FAM78A: variants seen among roughly 807,000 people sequenced by gnomAD.
FAM78A encodes the protein family with sequence similarity 78 member A, also known as protein FAM78A.
A neutral mutation model predicts 22.6 loss-of-function variants in FAM78A; 12 were observed. The observed-to-expected ratio is 0.53, with a 90% CI of 0.34 to 0.86. FAM78A has a LOEUF of 0.86. Ranked by LOEUF, FAM78A falls within the 40% of genes least tolerant of loss-of-function variation. FAM78A has a pLI of 0.02. For missense variants in FAM78A, 322 were observed against 396.1 expected (o/e 0.81, Z 1.59); for synonymous variants, 151 against 155.8 (o/e 0.97, Z 0.23).
At chr9:131,273,314 G>A (rs946729798) in intron 1 of FAM78A, among the ~76,000 whole-genome samples, 6 of 152,200 alleles carry the variant, frequency 3.9e-5, no homozygotes, top group East Asian at 3.9e-4. Context: ...CCTTCTGCCC[G>A]ACTGCTCCAA....
chr9:131,279,940 T>C (rs1835525981), upstream of FAM78A, among the ~76,000 whole-genome samples: 2 of 152,186 alleles, frequency 1.3e-5, no homozygotes. Context: ...CCCCACTTGC[T>C]AGCCAGGGCC....
chr9:131,265,082 G>A lies in FAM78A; in HGVS notation c.324-3732C>T, dbSNP rs10114313. Among the ~76,000 whole-genome samples the A allele has an allele frequency of 0.1, 15,163 of 151,986 alleles. 2,216 individuals are homozygous for A. The highest frequency in any genetic ancestry group is 0.32 in the African/African-American group (13,342 of 41,414). ...TATTAAATTTCTATTGAGTTTTTTA[G>A]TGCTTTTTGTCCACCATTCTTTTGA... On this transcript the variant is annotated intron_variant, in intron 1 of 1. Transcript: ENST00000372271. The surrounding 1 kb of genome is among the most constrained non-coding windows in gnomAD (Gnocchi z 4.3).
chr9:131,264,371 G>A, intron 1 of FAM78A: 1 of 554,562 alleles, frequency 1.8e-6, no homozygotes, highest in South Asian at 2.3e-5. Flanking sequence ...CATGGCTCAG[G>A]GCCAGGGCCA....
chr9:131,268,887 C>T lies in FAM78A; in HGVS notation c.323+6970G>A, dbSNP rs1251461332. Among the ~76,000 whole-genome samples the T allele has an allele frequency of 4.0e-4, 49 of 121,498 alleles. 1 individual carries two copies. The highest frequency in any genetic ancestry group is 5.4e-5 in the Non-Finnish European group (3 of 55,344). The allele number at this position is 121,498 out of a possible 152,430, so 79.7% of individuals were successfully genotyped here. A position where few individuals can be genotyped will look rare whatever the true frequency, so the allele number is the denominator to read the frequency against. On this transcript the variant is annotated intron_variant, in intron 1 of 1. Coordinates refer to ENST00000372271, the MANE Select transcript of FAM78A (RefSeq NM_033387.4). ...CAGCCTGGGCGACAGAGCGAGACTCCGTCTCAAAAAAAAAAAAAGAAGTGC... is the reference window on the plus strand; with the variant it reads ...CAGCCTGGGCGACAGAGCGAGACTCTGTCTCAAAAAAAAAAAAAGAAGTGC...
At chr9:131,266,298 C>T (rs779169137) in intron 1 of FAM78A, among the ~76,000 whole-genome samples, 28 of 152,174 alleles carry the variant, frequency 1.8e-4, no homozygotes, top group Non-Finnish European at 3.7e-4. Flanking sequence ...CCCTTAAAAC[C>T]GACGCAATTG....
At chr9:131,267,347 A>C (rs1835357936) in intron 1 of FAM78A, among the ~76,000 whole-genome samples, 1 of 152,180 alleles carries the variant, frequency 6.6e-6, no homozygotes, top group Non-Finnish European at 1.5e-5. Flanking sequence ...AGGGCATCAA[A>C]GCAAGAGACC....
intron 1 of FAM78A, among the ~76,000 whole-genome samples, chr9:131,263,153 C>A (rs1008946148): frequency 1.3e-5 from 2 of 150,602 alleles, no homozygotes; most frequent in African/African-American, 2.4e-5. Context: ...GCAGGAGAAT[C>A]GCTTGAACCC....
upstream of FAM78A, among the ~76,000 whole-genome samples, chr9:131,277,135 G>T (rs891601012): frequency 5.0e-4 from 75 of 150,902 alleles, no homozygotes; most frequent in Non-Finnish European, 8.9e-4. This position sits in a 1 kb window ranked among gnomAD's most constrained non-coding sequence, Gnocchi z 8.4. Context: ...AGTGGCGGCC[G>T]CACGACCGCG....
In FAM78A at chr9:131,261,433, T is replaced by C. The variant is rs1835268095; in HGVS notation, c.324-83A>G. 6.1e-5 allele frequency: 84 copies of C among 1,377,666 alleles called. No homozygotes were observed. The South Asian group carries it at 1.2e-3, about 20-fold the overall frequency. 85.3% of individuals were successfully genotyped at this position (1,377,666 alleles called of 1,614,324 possible). On this transcript the variant is annotated intron_variant, in intron 1 of 1. Coordinates refer to ENST00000372271, the MANE Select transcript of FAM78A (RefSeq NM_033387.4). The surrounding 1 kb of genome is among the most constrained non-coding windows in gnomAD (Gnocchi z 7.1). Reference sequence around the variant, plus strand: ...CCCCCTGGCAGGCCAGGGGCTGTCCTGGGCCCTGAGGATGGAACGGACCCA... The same window carrying C: ...CCCCCTGGCAGGCCAGGGGCTGTCCCGGGCCCTGAGGATGGAACGGACCCA...
chr9:131,262,013 G>T (rs1037075806), intron 1 of FAM78A, among the ~76,000 whole-genome samples: 13 of 151,952 alleles, frequency 8.6e-5, no homozygotes, highest in Non-Finnish European at 1.5e-5. Flanking sequence ...GATCACTTGA[G>T]GTTAGGAGTT....
rs1835260629 is a variant in FAM78A at position 131,261,105 on chromosome 9, G to A, written c.569C>T (p.Thr190Ile). 1 of 1,614,046 alleles carries A rather than the reference G, an allele frequency of 6.2e-7. No homozygotes were observed. Among genetic ancestry groups the A allele is most frequent in the Non-Finnish European group, 8.5e-7 (1 of 1,180,010 alleles). Residue 190 changes from threonine (T) to isoleucine (I), a missense_variant, in exon 2 of 2, where the codon ACC becomes ATC. Transcript: ENST00000372271. The surrounding 1 kb of genome is among the most constrained non-coding windows in gnomAD (Gnocchi z 7.1). ...GGTGTTGGTGGCCACCAGCCAGGTG[G>A]TGAAGCTCTGGTCCCGGTAGATATT... The part of the protein sequence containing the change: ...LTNIYRDQSF[T>I]TWLVATNTST...
intron 1 of FAM78A, among the ~76,000 whole-genome samples, chr9:131,270,999 G>GCCTTTTTTTT (rs1311041330): frequency 1.5e-5 from 2 of 131,964 alleles, no homozygotes; most frequent in Non-Finnish European, 1.6e-5. Context: ...TTTCCCACCA[G>GCCTTTTTTTT]TCTTTTTTTT....
intron 1 of FAM78A, chr9:131,270,137 C>A (rs1445722560): frequency 3.3e-6 from 2 of 609,676 alleles, no homozygotes; most frequent in African/African-American, 3.7e-5. Flanking sequence ...ACCCGGGAGG[C>A]GGATGTTGCA....
intron 1 of FAM78A, chr9:131,264,798 AC>A (rs1835323616): frequency 3.6e-6 from 2 of 551,676 alleles, no homozygotes; most frequent in South Asian, 4.7e-5. Context: ...ATCTCTGCTC[AC>A]TGCAGCCTCG....
chr9:131,268,667 G>A (rs184770926), intron 1 of FAM78A, among the ~76,000 whole-genome samples: 11 of 152,212 alleles, frequency 7.2e-5, no homozygotes, highest in Non-Finnish European at 1.3e-4. Context: ...TCGGGAGGCC[G>A]AGGCGGGCGG....
At chr9:131,278,145 C>T (rs1588202248), upstream of FAM78A, among the ~76,000 whole-genome samples, 1 of 151,868 alleles carries the variant, frequency 6.6e-6, no homozygotes, top group African/African-American at 2.4e-5. Context: ...CTGGTAATCC[C>T]TCGCTCCCCC....
At position 131,274,152 on chromosome 9, in the gene FAM78A, G is replaced by A. The variant is rs554739607; in HGVS notation, c.323+1705C>T. On this transcript the variant is annotated intron_variant, in intron 1 of 1. Coordinates refer to ENST00000372271, the MANE Select transcript of FAM78A (RefSeq NM_033387.4). This position sits in a 1 kb window ranked among gnomAD's most constrained non-coding sequence, Gnocchi z 4.2. ...TGCACAGATGGGGAAGCTGAGGCTT[G>A]GAGTCTGTACCTTGGGTCAGGCCTG... Among the ~76,000 whole-genome samples, 5 of 152,388 alleles carry A rather than the reference G, an allele frequency of 3.3e-5. No homozygotes were observed. Among genetic ancestry groups the A allele is most frequent in the African/African-American group, 1.2e-4 (5 of 41,590 alleles).
chr9:131,277,358 C>G (rs1410797146), upstream of FAM78A, among the ~76,000 whole-genome samples: 2 of 152,052 alleles, frequency 1.3e-5, no homozygotes, highest in Middle Eastern at 6.8e-3. The surrounding 1 kb of genome is among the most constrained non-coding windows in gnomAD (Gnocchi z 8.4). Flanking sequence ...TCGGATCCGG[C>G]GGGCACCCCT....
intron 1 of FAM78A, among the ~76,000 whole-genome samples, chr9:131,271,711 G>A (rs923757992): frequency 1.1e-4 from 16 of 152,252 alleles, no homozygotes; most frequent in African/African-American, 3.1e-4. Context: ...GGCCATGGGC[G>A]TGGCTGTGGG....
Sources: allele counts gnomAD v4.1 joint callset (sites outside exome capture counted in the v4.1 genomes callset), GRCh38; gene constraint gnomAD v4.1.1; non-coding constraint Gnocchi (gnomAD v3.1); transcripts MANE v1.5; gene names NCBI Gene and HGNC (gene_info 2026-07-23, HGNC 2026-07-21).